RBMS3: variants seen among roughly 807,000 people sequenced by gnomAD.
The protein encoded by RBMS3 is RNA binding motif single stranded interacting protein 3.
In RBMS3, 27 loss-of-function variants were observed where a neutral mutation model predicts 66.8. The observed-to-expected ratio is 0.40, with a 90% CI of 0.30 to 0.56. The LOEUF (loss-of-function observed/expected upper bound fraction) is 0.56, where lower values mean the gene tolerates loss of function less well. Ranked by LOEUF, RBMS3 falls within the 20% of genes least tolerant of loss-of-function variation. RBMS3 has a pLI of 0.40. For missense variants in RBMS3, 513 were observed against 549.5 expected (o/e 0.93, Z 0.66); for synonymous variants, 188 against 183.0 (o/e 1.03, Z -0.22).
At chr3:29,819,137 C>A (rs987071316) in intron 6 of RBMS3, among the ~76,000 whole-genome samples, 7 of 152,160 alleles carry the variant, frequency 4.6e-5, no homozygotes, top group African/African-American at 1.7e-4. Flanking sequence ...TCTTTTCATC[C>A]GTCAACAGAG....
At chr3:29,325,203 A>T (rs947527658) in intron 1 of RBMS3, among the ~76,000 whole-genome samples, 4 of 152,192 alleles carry the variant, frequency 2.6e-5, no homozygotes, top group Non-Finnish European at 4.4e-5. Flanking sequence ...CATAGTGCAG[A>T]ACATTTGTAT....
In RBMS3 at chr3:29,421,387, A is replaced by C. The variant is rs547639610; in HGVS notation, c.76-13356A>C. Among the ~76,000 whole-genome samples, 3 of 152,280 alleles carry C rather than the reference A, an allele frequency of 2.0e-5. No homozygotes were observed. The East Asian group carries it at 5.8e-4, about 29-fold the overall frequency. ...CAATTTAAGCCATTGTTTACCCACA[A>C]AATGTTCTTGCAGGGGAACAATTTT... is the stretch of plus-strand genomic sequence containing the variant. On this transcript the variant is annotated intron_variant, in intron 1 of 14. Transcript: ENST00000383767.
intron 4 of RBMS3, among the ~76,000 whole-genome samples, chr3:29,597,009 CTT>C (rs1439897004): frequency 6.6e-6 from 1 of 150,790 alleles, no homozygotes; most frequent in Non-Finnish European, 1.5e-5. Flanking sequence ...CAATTTAATC[CTT>C]CTAACTATTG....
intron 8 of RBMS3, among the ~76,000 whole-genome samples, chr3:29,885,249 G>A (rs1025634908): frequency 5.9e-5 from 9 of 151,772 alleles, no homozygotes; most frequent in African/African-American, 2.2e-4. Flanking sequence ...AACATTAATG[G>A]TAGACTAGGG....
intron 1 of RBMS3, among the ~76,000 whole-genome samples, chr3:29,370,584 CA>C (rs2038148470): frequency 6.6e-6 from 1 of 152,068 alleles, no homozygotes; most frequent in East Asian, 1.9e-4. Flanking sequence ...TCTTAGATTC[CA>C]AGTGTCTAAT....
At chr3:29,904,804 G>A (rs550621640) in intron 10 of RBMS3, among the ~76,000 whole-genome samples, 1 of 151,848 alleles carries the variant, frequency 6.6e-6, no homozygotes, top group Non-Finnish European at 1.5e-5. Flanking sequence ...GAGTTGAGTT[G>A]ATTTTCACGT....
chr3:29,617,611 A>G (rs2048714596), intron 4 of RBMS3, among the ~76,000 whole-genome samples: 1 of 152,188 alleles, frequency 6.6e-6, no homozygotes, highest in African/African-American at 2.4e-5. Flanking sequence ...AGGAACCTAT[A>G]TACACTTACA....
chr3:29,810,689 A>T (rs7632160), intron 6 of RBMS3, among the ~76,000 whole-genome samples: 22,086 of 152,184 alleles, frequency 0.15, 1,706 homozygotes, highest in African/African-American at 0.17. Context: ...ATATATGTGT[A>T]TGTGTGTTTC....
intron 1 of RBMS3, among the ~76,000 whole-genome samples, chr3:29,323,836 G>A (rs971018014): frequency 4.0e-5 from 6 of 151,150 alleles, no homozygotes; most frequent in Admixed American, 1.3e-4. Context: ...AAGCTTGTAC[G>A]CAATTTTTGG....
At chr3:29,719,538 C>A (rs1337431990) in intron 4 of RBMS3, among the ~76,000 whole-genome samples, 1 of 152,070 alleles carries the variant, frequency 6.6e-6, no homozygotes, top group East Asian at 1.9e-4. Context: ...ATTTATAGAT[C>A]ATCACTACTC....
intron 1 of RBMS3, among the ~76,000 whole-genome samples, chr3:29,377,487 C>A (rs79166398): frequency 6.6e-6 from 1 of 152,046 alleles, no homozygotes; most frequent in Non-Finnish European, 1.5e-5. Flanking sequence ...CTTATGACCC[C>A]GCTGCCTACC....
chr3:29,696,902 C>T, intron 4 of RBMS3: 1 of 951,082 alleles, frequency 1.1e-6, no homozygotes, highest in Non-Finnish European at 1.3e-6. Flanking sequence ...ACACCAACCC[C>T]TGATTGACTA....
At chr3:29,717,562 A>T (rs1038348671) in intron 4 of RBMS3, among the ~76,000 whole-genome samples, 1 of 152,154 alleles carries the variant, frequency 6.6e-6, no homozygotes, top group Non-Finnish European at 1.5e-5. Context: ...ATGAATTGGT[A>T]TCTTTTAAAC....
rs1345092519 is a variant in RBMS3 at position 30,008,305 on chromosome 3, G to C, written c.*4443G>C. The C allele has an allele frequency of 6.6e-6, 1 of 151,078 alleles. No individual in the cohort carries two copies. The highest frequency in any genetic ancestry group is 1.5e-5 in the Non-Finnish European group (1 of 67,884). The allele number at this position is 151,078 out of a possible 1,614,324, so 9.4% of individuals were successfully genotyped here. On this transcript the variant is annotated 3_prime_UTR_variant, in exon 15 of 15. Transcript: ENST00000383767. The stretch of plus-strand genomic sequence containing the variant: ...CAATTCATTTTCATTCTTAATTTGA[G>C]TGCATGAACCACTGCAGATGAGCTG...
chr3:29,833,926 G>A (rs138999279), intron 6 of RBMS3, among the ~76,000 whole-genome samples: 8 of 151,906 alleles, frequency 5.3e-5, no homozygotes, highest in Non-Finnish European at 7.4e-5. Flanking sequence ...TTTTGAAAGC[G>A]CCAAGAAAAA....
At chr3:29,644,763 C>T (rs1032311782) in intron 4 of RBMS3, among the ~76,000 whole-genome samples, 3 of 152,060 alleles carry the variant, frequency 2.0e-5, no homozygotes, top group South Asian at 2.1e-4. Flanking sequence ...GGATTATAGC[C>T]GAAGAGTAGT....
intron 6 of RBMS3, among the ~76,000 whole-genome samples, chr3:29,848,800 T>C (rs1010343584): frequency 6.6e-6 from 1 of 152,178 alleles, no homozygotes; most frequent in Non-Finnish European, 1.5e-5. Flanking sequence ...AACAGACTTG[T>C]AAGAGGTTTT....
intron 1 of RBMS3, among the ~76,000 whole-genome samples, chr3:29,304,486 A>G (rs1176090435): frequency 6.6e-6 from 1 of 151,898 alleles, no homozygotes; most frequent in Non-Finnish European, 1.5e-5. Context: ...TGATAACACA[A>G]TCATGCTGAC....
Position 29,625,492 on chromosome 3 carries a change from G to A in RBMS3, c.399+38287G>A, listed in dbSNP as rs1047920669. 3.9e-5 allele frequency among the ~76,000 whole-genome samples: 6 copies of A among 152,004 alleles called. No individual in the cohort carries two copies. The Middle Eastern group carries it at 0.01, about 259-fold the overall frequency. On this transcript the variant is annotated intron_variant, in intron 4 of 14. Transcript: ENST00000383767. ...GTGGATCACCTGAGGTCAGGAGTTCGAGACCAGCCCGACCAAAGTGGTGAA... is the reference window on the plus strand; with the variant it reads ...GTGGATCACCTGAGGTCAGGAGTTCAAGACCAGCCCGACCAAAGTGGTGAA...
Sources: gnomAD v4.1 joint callset for allele counts (sites outside exome capture counted in the v4.1 genomes callset) on GRCh38, gnomAD v4.1.1 for gene constraint, MANE v1.5 for transcripts, NCBI Gene and HGNC (gene_info 2026-07-23, HGNC 2026-07-21) for gene names.